The following RALY variants were observed in gnomAD, a reference collection of about 807,000 sequenced individuals.
RALY encodes RALY heterogeneous nuclear ribonucleoprotein.
In RALY, 15 loss-of-function variants were observed where a neutral mutation model predicts 30.7. The observed-to-expected ratio is 0.49, with a 90% CI of 0.33 to 0.75. The LOEUF is 0.75. Among genes scored for constraint, RALY ranks in the 30% least tolerant of loss-of-function variants. RALY has a pLI of 0.02. For synonymous variants in RALY, 177 were observed against 170.8 expected, an observed-to-expected ratio of 1.04 and a Z score of -0.28; for missense variants, 339 against 414.3, an observed-to-expected ratio of 0.82 and a Z score of 1.58.
rs958692088 is a variant in RALY, at chr20:34,080,615, T to G, written c.*710T>G. The G allele has an allele frequency of 6.6e-6, 1 of 152,380 alleles. No individual in the cohort carries two copies. Among genetic ancestry groups the G allele is most frequent in the African/African-American group, 2.4e-5 (1 of 41,428 alleles). 9.4% of individuals were successfully genotyped at this position (152,380 alleles called of 1,614,324 possible). On this transcript the variant is annotated 3_prime_UTR_variant, in exon 10 of 10. Coordinates refer to ENST00000246194, the MANE Select transcript of RALY (RefSeq NM_016732.3). ...GCTTAGGACACTATAATTTTTTCAT[T>G]TGGACGTTGTCCTCCCACCAGCCTC...
chr20:34,002,736 C>T (rs1021889752), intron 1 of RALY, among the ~76,000 whole-genome samples: 2 of 152,182 alleles, frequency 1.3e-5, no homozygotes, highest in Non-Finnish European at 2.9e-5. Context: ...ACAACATTTC[C>T]TTTCAGGTTT....
chr20:34,060,870 A>G (rs1371583932), intron 2 of RALY, among the ~76,000 whole-genome samples: 2 of 152,206 alleles, frequency 1.3e-5, no homozygotes, highest in Non-Finnish European at 2.9e-5. Flanking sequence ...AAATTTGACG[A>G]CGCACATGGA....
chr20:34,046,690 T>C (rs1167033865), intron 2 of RALY, among the ~76,000 whole-genome samples: 1 of 152,160 alleles, frequency 6.6e-6, no homozygotes, highest in Non-Finnish European at 1.5e-5. Flanking sequence ...ATTTTTTATA[T>C]ATTTGTTATT....
At chr20:33,997,617 C>T (rs1467163164) in intron 1 of RALY, among the ~76,000 whole-genome samples, 1 of 152,086 alleles carries the variant, frequency 6.6e-6, no homozygotes, top group Non-Finnish European at 1.5e-5. Context: ...CCCCTTTTTC[C>T]ATAGAGGCAC....
intron 2 of RALY, among the ~76,000 whole-genome samples, chr20:34,067,821 T>TC (rs1262725333): frequency 2.0e-5 from 3 of 149,188 alleles, no homozygotes; most frequent in East Asian, 1.9e-4. Flanking sequence ...TTTTTCTTTT[T>TC]TTTTTTTTTT....
chr20:34,074,463 C>T (rs2033817282), intron 5 of RALY, among the ~76,000 whole-genome samples: 1 of 152,108 alleles, frequency 6.6e-6, no homozygotes, highest in Non-Finnish European at 1.5e-5. Flanking sequence ...TCTCCTCCTC[C>T]CTGCTTCTCT....
chr20:34,009,058 A>G (rs910478607), intron 1 of RALY, among the ~76,000 whole-genome samples: 8 of 152,126 alleles, frequency 5.3e-5, no homozygotes, highest in African/African-American at 7.2e-5. Context: ...GCATGGGGCT[A>G]TGAAGGTGAC....
At chr20:34,014,630 G>A (rs1478185011) in intron 1 of RALY, among the ~76,000 whole-genome samples, 1 of 152,246 alleles carries the variant, frequency 6.6e-6, no homozygotes, top group Admixed American at 6.5e-5. Flanking sequence ...TTAAAAAGCA[G>A]TCTGATTCTT....
At chr20:34,036,266 T>G (rs1457002560) in intron 2 of RALY, among the ~76,000 whole-genome samples, 1 of 152,234 alleles carries the variant, frequency 6.6e-6, no homozygotes, top group Non-Finnish European at 1.5e-5. Flanking sequence ...GTATTCCATC[T>G]TTCAGGCTAA....
intron 2 of RALY, among the ~76,000 whole-genome samples, chr20:34,033,819 G>A (rs548897106): frequency 1.3e-5 from 2 of 152,114 alleles, no homozygotes; most frequent in Non-Finnish European, 2.9e-5. Flanking sequence ...AAAAGTAAAC[G>A]GGAGGGTTTT....
At chr20:34,004,144 C>T (rs918774611) in intron 1 of RALY, among the ~76,000 whole-genome samples, 13 of 152,134 alleles carry the variant, frequency 8.5e-5, no homozygotes, top group Non-Finnish European at 1.6e-4. Flanking sequence ...TTGGGAAGTT[C>T]AGAAGGGGAA....
intron 2 of RALY, among the ~76,000 whole-genome samples, chr20:34,040,106 A>C (rs2032643906): frequency 1.3e-5 from 2 of 151,708 alleles, no homozygotes. Context: ...GTGAGACCCC[A>C]TCTCAAAAAA....
At chr20:34,029,307 G>A (rs555521912) in intron 1 of RALY, among the ~76,000 whole-genome samples, 20 of 152,036 alleles carry the variant, frequency 1.3e-4, no homozygotes, top group African/African-American at 4.6e-4. Context: ...CATGGTGGCC[G>A]GCACCTGTAA....
intron 2 of RALY, chr20:34,065,293 G>A (rs1248811046): frequency 6.6e-6 from 1 of 152,218 alleles, no homozygotes; most frequent in African/African-American, 2.4e-5. Context: ...GACCTGAAAG[G>A]TAATCAGGGA....
At chr20:34,039,895 G>A (rs1231558312) in intron 2 of RALY, among the ~76,000 whole-genome samples, 2 of 152,124 alleles carry the variant, frequency 1.3e-5, no homozygotes, top group East Asian at 1.9e-4. Flanking sequence ...GAAGGATCAC[G>A]AGGTCAAGAG....
chr20:34,061,757 T>C (rs915365663), intron 2 of RALY, among the ~76,000 whole-genome samples: 1 of 152,248 alleles, frequency 6.6e-6, no homozygotes, highest in Non-Finnish European at 1.5e-5. Context: ...TAGTAAGTTT[T>C]CTGAAACTTT....
intron 1 of RALY, among the ~76,000 whole-genome samples, chr20:34,016,046 G>A (rs1682928905): frequency 6.6e-6 from 1 of 152,070 alleles, no homozygotes; most frequent in South Asian, 2.1e-4. Flanking sequence ...GCCTAACTCA[G>A]ACACCACACT....
chr20:34,048,892 G>A (rs1043006521), intron 2 of RALY, among the ~76,000 whole-genome samples: 1 of 150,362 alleles, frequency 6.7e-6, no homozygotes, highest in Admixed American at 6.6e-5. Flanking sequence ...ATCACCTTTG[G>A]ATTTCTACAC....
At chr20:34,029,554 A>C (rs63492561) in intron 1 of RALY, among the ~76,000 whole-genome samples, 1 of 141,282 alleles carries the variant, frequency 7.1e-6, no homozygotes, top group African/African-American at 2.6e-5. Context: ...GAAAAAAAAA[A>C]CCCACAAGGA....
Sources: gnomAD v4.1 joint callset for allele counts (sites outside exome capture counted in the v4.1 genomes callset) on GRCh38, gnomAD v4.1.1 for gene constraint, MANE v1.5 for transcripts, NCBI Gene and HGNC (gene_info 2026-07-23, HGNC 2026-07-21) for gene names.